The following CD163L1 variants were observed in gnomAD, a reference collection of about 807,000 sequenced individuals.
CD163L1 encodes scavenger receptor cysteine-rich type 1 protein M160.
In CD163L1, 124 loss-of-function variants were observed where a neutral mutation model predicts 165.4. That is an observed-to-expected ratio of 0.75 (90% CI 0.65 to 0.87). The LOEUF (loss-of-function observed/expected upper bound fraction) is 0.87. Ranked by LOEUF, CD163L1 falls within the 40% of genes least tolerant of loss-of-function variation. The pLI, the probability that CD163L1 is intolerant of heterozygous loss-of-function variation, is 0.00. For missense variants in CD163L1, 1,525 were observed against 1,799.9 expected, an observed-to-expected ratio of 0.85 and a Z score of 2.76; for synonymous variants, 585 against 662.2, an observed-to-expected ratio of 0.88 and a Z score of 1.79.
At chr12:7,393,547 A>C (rs1947707531) in intron 8 of CD163L1, among the ~76,000 whole-genome samples, 1 of 152,226 alleles carries the variant, frequency 6.6e-6, no homozygotes, top group Admixed American at 6.5e-5. Context: ...ACTCCTATTC[A>C]ACATAGTGTT....
chr12:7,322,291 GT>G, the CD163L1 span: 1 of 1,319,584 alleles, frequency 7.6e-7, no homozygotes, highest in East Asian at 2.3e-5. Flanking sequence ...ACAAGTATTT[GT>G]TGAATGAACT....
intron 4 of CD163L1, among the ~76,000 whole-genome samples, chr12:7,421,139 G>GTATA (rs10681947): frequency 4.1e-5 from 5 of 122,958 alleles, no homozygotes; most frequent in Admixed American, 1.0e-4. Context: ...ACGTATATAT[G>GTATA]TATATATGTG....
chr12:7,320,276 C>A, the CD163L1 span, among the ~76,000 whole-genome samples: 1 of 152,146 alleles, frequency 6.6e-6, no homozygotes, highest in East Asian at 1.9e-4. Context: ...TACATTTATT[C>A]AACTTACTGA....
chr12:7,412,551 A>G (rs1948156451), intron 4 of CD163L1, among the ~76,000 whole-genome samples: 1 of 152,176 alleles, frequency 6.6e-6, no homozygotes, highest in Non-Finnish European at 1.5e-5. Flanking sequence ...TCTAATCACA[A>G]TGATATGGTT....
intron 4 of CD163L1, among the ~76,000 whole-genome samples, chr12:7,421,013 G>C (rs929763451): frequency 2.1e-5 from 2 of 94,634 alleles, no homozygotes; most frequent in Admixed American, 1.1e-4. Context: ...ATATATACGT[G>C]TATATATATA....
chr12:7,373,684 G>A, intron 13 of CD163L1, 44 bp from the exon 14 acceptor site: 21 of 1,495,778 alleles, frequency 1.4e-5, no homozygotes, highest in Non-Finnish European at 1.9e-5. Flanking sequence ...TTCCTTTGGA[G>A]TTGGAAAATC....
intron 8 of CD163L1, among the ~76,000 whole-genome samples, chr12:7,390,529 T>C (rs1320989580): frequency 6.6e-6 from 1 of 152,072 alleles, no homozygotes; most frequent in East Asian, 1.9e-4. Flanking sequence ...GAATAGTGCA[T>C]TGGAAGAACA....
chr12:7,434,548 T>A (rs774654371), intron 2 of CD163L1, among the ~76,000 whole-genome samples: 1 of 152,260 alleles, frequency 6.6e-6, no homozygotes, highest in East Asian at 1.9e-4. Context: ...CCATGAGTTT[T>A]CAACGTGAAA....
chr12:7,389,716 A>G (rs1947604883), intron 8 of CD163L1, among the ~76,000 whole-genome samples: 1 of 152,068 alleles, frequency 6.6e-6, no homozygotes, highest in Non-Finnish European at 1.5e-5. Flanking sequence ...TGGAAACCCC[A>G]TTCTCCTCAG....
chr12:7,369,241 C>A lies in CD163L1; in HGVS notation c.4039+116G>T. On this transcript the variant is annotated intron_variant, in intron 15 of 19. Coordinates refer to ENST00000313599, the MANE Select transcript of CD163L1 (RefSeq NM_174941.6). The surrounding 1 kb of genome is among the most constrained non-coding windows in gnomAD (Gnocchi z 4.9). ...AAAACGTTAGTTTAACATAGCCTTT[C>A]ATTCTTCAACAAGAAATCCTAGTAT... The A allele has an allele frequency of 8.6e-7, 1 of 1,168,296 alleles. No individual in the cohort carries two copies. The highest frequency in any genetic ancestry group is 1.2e-6 in the Non-Finnish European group (1 of 820,460). The allele number at this position is 1,168,296 out of a possible 1,614,324, so 72.4% of individuals were successfully genotyped here. A position where few individuals can be genotyped will look rare whatever the true frequency, so the allele number is the denominator to read the frequency against.
At chr12:7,389,899 A>C (rs1395811365) in intron 8 of CD163L1, among the ~76,000 whole-genome samples, 1 of 149,494 alleles carries the variant, frequency 6.7e-6, no homozygotes, top group Non-Finnish European at 1.5e-5. Flanking sequence ...CCATGATATG[A>C]AATCAACCTA....
intron 1 of CD163L1, 96 bp from the exon 2 acceptor site, chr12:7,441,342 T>TC (rs1331087279): frequency 3.6e-6 from 3 of 844,720 alleles, no homozygotes; most frequent in Non-Finnish European, 5.8e-6. Flanking sequence ...ATAGAAGGAG[T>TC]AAGATGAATT....
intron 6 of CD163L1, among the ~76,000 whole-genome samples, chr12:7,403,071 A>T (rs1164617508): frequency 6.6e-6 from 1 of 152,208 alleles, no homozygotes; most frequent in African/African-American, 2.4e-5. Context: ...ATGCTTACAG[A>T]ATTATACATC....
chr12:7,373,187 G>C, intron 14 of CD163L1, 133 bp downstream of exon 14: 6 of 699,468 alleles, frequency 8.6e-6, no homozygotes. Context: ...GAACAGATGC[G>C]ATAAATCAGC....
intron 9 of CD163L1, among the ~76,000 whole-genome samples, chr12:7,378,724 G>C (rs1203950111): frequency 6.6e-6 from 1 of 152,058 alleles, no homozygotes; most frequent in Non-Finnish European, 1.5e-5. Context: ...CTCCGACTCT[G>C]CAAATAGGTA....
rs192589184 is a variant in CD163L1, at chr12:7,393,020, C to T, written c.2050+3075G>A. 6.6e-5 allele frequency among the ~76,000 whole-genome samples: 10 copies of T among 152,042 alleles called. 1 individual carries two copies. Among genetic ancestry groups the T allele is most frequent in the South Asian group, 2.1e-4 (1 of 4,806 alleles). Reference sequence around the variant, plus strand: ...AAAGAGGGGTTGGTACCATTCTTTCCGAAACTAATCTAATCAACAGAAAAA... The same window carrying T: ...AAAGAGGGGTTGGTACCATTCTTTCTGAAACTAATCTAATCAACAGAAAAA... On this transcript the variant is annotated intron_variant, in intron 8 of 19. Coordinates refer to ENST00000313599, the MANE Select transcript of CD163L1 (RefSeq NM_174941.6).
intron 8 of CD163L1, among the ~76,000 whole-genome samples, chr12:7,380,387 A>ATGCGCG (rs1335798313): frequency 5.7e-5 from 8 of 141,348 alleles, no homozygotes; most frequent in Non-Finnish European, 1.2e-4. Flanking sequence ...GTATGTGTGT[A>ATGCGCG]TATGCGTATA....
At chr12:7,440,506 TTTAA>T (rs1352272300) in intron 2 of CD163L1, among the ~76,000 whole-genome samples, 1 of 151,988 alleles carries the variant, frequency 6.6e-6, no homozygotes, top group Non-Finnish European at 1.5e-5. Context: ...TTTAATTGTA[TTTAA>T]TTCTTTGATT....
chr12:7,369,278 C>T lies in CD163L1; in HGVS notation c.4039+79G>A. The T allele has an allele frequency of 2.1e-6, 3 of 1,435,168 alleles. No homozygotes were observed. Among genetic ancestry groups the T allele is most frequent in the South Asian group, 2.6e-5 (2 of 77,816 alleles). 88.9% of individuals were successfully genotyped at this position (1,435,168 alleles called of 1,614,324 possible). A position where few individuals can be genotyped will look rare whatever the true frequency, so the allele number is the denominator to read the frequency against. The stretch of plus-strand genomic sequence containing the variant: ...AGAAATCCTAGTATCTTCAGCTCAA[C>T]TCTCTGAGTGAGCCTGTTTCCCAGT... On this transcript the variant is annotated intron_variant, in intron 15 of 19. Transcript: ENST00000313599. This position sits in a 1 kb window ranked among gnomAD's most constrained non-coding sequence, Gnocchi z 4.9.
Sources: allele counts gnomAD v4.1 joint callset (sites outside exome capture counted in the v4.1 genomes callset), GRCh38; gene constraint gnomAD v4.1.1; non-coding constraint Gnocchi (gnomAD v3.1); transcripts MANE v1.5; gene names NCBI Gene and HGNC (gene_info 2026-07-23, HGNC 2026-07-21).